PCDH7: variants seen among roughly 807,000 people sequenced by gnomAD.
PCDH7 encodes the protein protocadherin-7.
A neutral mutation model predicts 58.9 loss-of-function variants in PCDH7; 17 were observed. The observed-to-expected ratio is 0.29, with a 90% confidence interval of 0.20 to 0.43. The LOEUF (loss-of-function observed/expected upper bound fraction) is 0.43. Among genes scored for constraint, PCDH7 ranks in the 20% least tolerant of loss-of-function variants. PCDH7 has a pLI of 1.00. For synonymous variants in PCDH7, 664 were observed against 616.4 expected, an observed-to-expected ratio of 1.08 and a Z score of -1.14; for missense variants, 1,274 against 1,441.0, an observed-to-expected ratio of 0.88 and a Z score of 1.88.
At position 30,722,665 on chromosome 4, in the gene PCDH7, A is replaced by G. The variant is rs746166500; in HGVS notation, c.1243A>G (p.Ile415Val). Residue 415 changes from isoleucine to valine, a missense_variant, in exon 1 of 2, where the codon ATT becomes GTT. Coordinates refer to ENST00000361762, the Ensembl canonical transcript of PCDH7. The surrounding 1 kb of genome is among the most constrained non-coding windows in gnomAD (Gnocchi z 7.6). ...AGACGAGAACGACAACGTGCCGTCCATTGAAATCCGCAAGATTGGGCGCAT... is the reference window on the plus strand; with the variant it reads ...AGACGAGAACGACAACGTGCCGTCCGTTGAAATCCGCAAGATTGGGCGCAT... 1.2e-4 allele frequency: 193 copies of G among 1,613,452 alleles called. No homozygotes were observed. The highest frequency in any genetic ancestry group is 1.6e-4 in the Non-Finnish European group (185 of 1,180,040).
intron 3 of PCDH7, among the ~76,000 whole-genome samples, chr4:30,985,403 A>G (rs2109115779): frequency 6.6e-6 from 1 of 152,214 alleles, no homozygotes; most frequent in East Asian, 1.9e-4. Context: ...ATGTTATTCC[A>G]GGCTAGATTG....
Position 30,724,609 on chromosome 4 carries a change from C to A in PCDH7, c.3174+13C>A. 1 of 1,610,578 alleles carries A rather than the reference C, an allele frequency of 6.2e-7. No individual in the cohort carries two copies. The highest frequency in any genetic ancestry group is 1.1e-5 in the South Asian group (1 of 90,790). On this transcript the variant is annotated intron_variant, in intron 1 of 1. Transcript: ENST00000361762. ...GTACAGCAAACAGGTAAGATGTATC[C>A]CAAATATATTTAAATATCCCAGGGA...
At chr4:30,917,893 C>T (rs1463109388) in intron 1 of PCDH7, among the ~76,000 whole-genome samples, 1 of 152,096 alleles carries the variant, frequency 6.6e-6, no homozygotes, top group African/African-American at 2.4e-5. Flanking sequence ...CCAAACTTCA[C>T]CCAAATGTCA....
At chr4:31,044,830 G>C (rs530101194) in intron 3 of PCDH7, among the ~76,000 whole-genome samples, 1 of 152,068 alleles carries the variant, frequency 6.6e-6, no homozygotes, top group Non-Finnish European at 1.5e-5. Flanking sequence ...TCCTTTTCAG[G>C]AGGAGGGAGA....
At chr4:30,806,085 G>A (rs114175117) in intron 1 of PCDH7, among the ~76,000 whole-genome samples, 39 of 152,224 alleles carry the variant, frequency 2.6e-4, no homozygotes, top group African/African-American at 9.4e-4. Flanking sequence ...GAGCATTTCG[G>A]ATTTCAGATT....
intron 3 of PCDH7, among the ~76,000 whole-genome samples, chr4:30,955,397 G>A (rs1747748602): frequency 6.6e-6 from 1 of 152,084 alleles, no homozygotes; most frequent in Non-Finnish European, 1.5e-5. Context: ...TTGATACATA[G>A]AATAGTCTGT....
intron 3 of PCDH7, among the ~76,000 whole-genome samples, chr4:30,984,748 T>A (rs975499156): frequency 1.3e-5 from 2 of 152,140 alleles, no homozygotes; most frequent in Non-Finnish European, 2.9e-5. Flanking sequence ...GAGACCACCA[T>A]GGGCAATAAA....
At chr4:31,083,070 T>C (rs920600256) in intron 3 of PCDH7, among the ~76,000 whole-genome samples, 3 of 152,090 alleles carry the variant, frequency 2.0e-5, no homozygotes, top group African/African-American at 7.2e-5. Context: ...ATTGCGCCAC[T>C]GCACTCCAGC....
chr4:30,844,932 T>A (rs2092180548), intron 1 of PCDH7, among the ~76,000 whole-genome samples: 1 of 152,156 alleles, frequency 6.6e-6, no homozygotes, highest in Admixed American at 6.6e-5. Flanking sequence ...CTGTGTATGA[T>A]TTTGTCCATC....
At chr4:30,841,933 A>G (rs1578011091) in intron 1 of PCDH7, among the ~76,000 whole-genome samples, 1 of 151,986 alleles carries the variant, frequency 6.6e-6, no homozygotes, top group Non-Finnish European at 1.5e-5. Flanking sequence ...GACCCTTACC[A>G]CTAGAATAGG....
intron 1 of PCDH7, among the ~76,000 whole-genome samples, chr4:30,911,862 C>T (rs966594664): frequency 5.9e-5 from 9 of 151,912 alleles, no homozygotes; most frequent in Non-Finnish European, 1.0e-4. Flanking sequence ...ATAGCATTTT[C>T]CTGGCACAGA....
chr4:30,968,302 C>CTA (rs758613796), intron 3 of PCDH7, among the ~76,000 whole-genome samples: 1 of 80,312 alleles, frequency 1.2e-5, no homozygotes, highest in Non-Finnish European at 2.5e-5. Context: ...CTCTCTCTCT[C>CTA]TATATATATA....
Position 30,722,246 on chromosome 4 carries a change from A to G in PCDH7, c.824A>G (p.Glu275Gly). The change falls in exon 1 of 2, where the codon GAG (glutamate) becomes GGG (glycine). Residue 275 changes from glutamate (E) to glycine (G), a missense_variant. This residue lies in a region of PCDH7 where 331 missense variants were observed against 303.2 expected (regional missense o/e 1.09). Transcript: ENST00000361762. This position sits in a 1 kb window ranked among gnomAD's most constrained non-coding sequence, Gnocchi z 7.6. ...GACCGCGAGCAGCGCGACTCCTACG[A>G]GCTGACCCTGCGAGTGCGCGACGGC... 4 of 1,596,278 alleles carry G rather than the reference A, an allele frequency of 2.5e-6. No individual in the cohort carries two copies. Among genetic ancestry groups the G allele is most frequent in the Non-Finnish European group, 3.4e-6 (4 of 1,172,542 alleles).
chr4:31,012,983 C>T (rs554513964), intron 3 of PCDH7, among the ~76,000 whole-genome samples: 70 of 150,304 alleles, frequency 4.7e-4, no homozygotes, highest in Admixed American at 4.6e-3. Flanking sequence ...CCACTGTGCC[C>T]AAGCCTGGGC....
At chr4:30,753,286 C>T (rs1480877917) in intron 1 of PCDH7, among the ~76,000 whole-genome samples, 1 of 152,128 alleles carries the variant, frequency 6.6e-6, no homozygotes, top group Admixed American at 6.5e-5. Context: ...GAGAGATAAC[C>T]TTTACTACTT....
intron 3 of PCDH7, among the ~76,000 whole-genome samples, chr4:31,010,722 G>C (rs1753104889): frequency 6.6e-6 from 1 of 151,780 alleles, no homozygotes; most frequent in African/African-American, 2.4e-5. Context: ...GCTTTAAATA[G>C]GTGTAATAGT....
At chr4:30,915,410 C>G (rs575868664) in intron 1 of PCDH7, among the ~76,000 whole-genome samples, 6 of 152,264 alleles carry the variant, frequency 3.9e-5, no homozygotes, top group Non-Finnish European at 7.4e-5. Context: ...AGTCAGCATC[C>G]TTCTTAATGT....
At chr4:30,758,264 T>G (rs993010532) in intron 1 of PCDH7, among the ~76,000 whole-genome samples, 1 of 152,110 alleles carries the variant, frequency 6.6e-6, no homozygotes, top group African/African-American at 2.4e-5. Flanking sequence ...TATGGGATAC[T>G]TGAAGCCTGG....
intron 1 of PCDH7, among the ~76,000 whole-genome samples, chr4:30,897,820 CAA>C (rs1739648460): frequency 6.6e-6 from 1 of 152,238 alleles, no homozygotes; most frequent in East Asian, 1.9e-4. Flanking sequence ...GGAATGCAAG[CAA>C]AATTGCTTTT....
Sources: gnomAD v4.1 joint callset for allele counts (sites outside exome capture counted in the v4.1 genomes callset) on GRCh38, gnomAD v4.1.1 for gene constraint, gnomAD v4.1.1 regional missense constraint, Gnocchi (gnomAD v3.1) non-coding constraint, MANE v1.5 for transcripts, NCBI Gene and HGNC (gene_info 2026-07-23, HGNC 2026-07-21) for gene names.